Variants in POU6F2 observed in about 807,000 individuals in gnomAD.
The protein encoded by POU6F2 is POU class 6 homeobox 2.
In POU6F2, 31 loss-of-function variants were observed where a neutral mutation model predicts 71.3. The ratio of observed to expected loss-of-function variants is 0.43; its 90% confidence interval spans 0.33 to 0.59. The LOEUF is 0.59. Ranked by LOEUF, POU6F2 falls within the 20% of genes least tolerant of loss-of-function variation. The pLI is 0.04. For synonymous variants in POU6F2, 347 were observed against 355.7 expected (o/e 0.98, Z 0.27); for missense variants, 783 against 856.8 (o/e 0.91, Z 1.07).
intron 5 of POU6F2, among the ~76,000 whole-genome samples, chr7:39,380,354 C>T (rs1454549216): frequency 6.6e-6 from 1 of 152,102 alleles, no homozygotes; most frequent in African/African-American, 2.4e-5. Context: ...GGATTAAGTG[C>T]AGTAATTTGT....
intron 2 of POU6F2, among the ~76,000 whole-genome samples, chr7:39,088,847 A>T (rs1302194207): frequency 1.3e-5 from 2 of 152,176 alleles, no homozygotes; most frequent in East Asian, 3.9e-4. Context: ...CCAGAGGACA[A>T]GTCTGTTTCC....
chr7:39,119,920 C>T (rs1486976333), intron 2 of POU6F2, among the ~76,000 whole-genome samples: 1 of 152,146 alleles, frequency 6.6e-6, no homozygotes, highest in Non-Finnish European at 1.5e-5. Context: ...TTAGAAGGCA[C>T]ATACGATGAA....
In POU6F2 at chr7:39,449,421, A is replaced by G. The variant is rs186945893; in HGVS notation, c.1321-2112A>G. Among the ~76,000 whole-genome samples the G allele has an allele frequency of 3.4e-3, 517 of 152,360 alleles. 8 individuals carry two copies. Among genetic ancestry groups the G allele is most frequent in the South Asian group, 0.011 (52 of 4,830 alleles). On this transcript the variant is annotated intron_variant, in intron 7 of 9. Coordinates refer to ENST00000518318, the MANE Select transcript of POU6F2 (RefSeq NM_001370959.1). ...AATATTAATTTGATAAAAACACTTT[A>G]GGGAATTAAAAAGCATGATGATCCT...
chr7:39,385,925 TAACACAGTGA>T (rs949706856), intron 5 of POU6F2, among the ~76,000 whole-genome samples: 4 of 151,964 alleles, frequency 2.6e-5, no homozygotes, highest in Non-Finnish European at 5.9e-5. Context: ...CCATCCTGGT[TAACACAGTGA>T]AACCTCATCT....
intron 4 of POU6F2, among the ~76,000 whole-genome samples, chr7:39,241,041 A>T (rs1250010682): frequency 2.0e-5 from 3 of 152,140 alleles, no homozygotes; most frequent in Non-Finnish European, 4.4e-5. Flanking sequence ...GTTGCCAAAC[A>T]GCTGCTGCAT....
intron 6 of POU6F2, among the ~76,000 whole-genome samples, chr7:39,411,630 A>G (rs1406744815): frequency 1.3e-5 from 2 of 152,216 alleles, no homozygotes; most frequent in Non-Finnish European, 2.9e-5. Flanking sequence ...ACGCACATAC[A>G]TATGACAGCT....
intron 4 of POU6F2, among the ~76,000 whole-genome samples, chr7:39,290,556 A>G (rs1784733210): frequency 6.6e-6 from 1 of 152,248 alleles, no homozygotes; most frequent in Non-Finnish European, 1.5e-5. Context: ...TACAAAATCA[A>G]TAGATGTTAT....
At chr7:39,001,116 G>A (rs529526424) in intron 1 of POU6F2, among the ~76,000 whole-genome samples, 8 of 152,218 alleles carry the variant, frequency 5.3e-5, no homozygotes, top group African/African-American at 2.4e-5. Flanking sequence ...GACCTATCAG[G>A]TTACTTTTCT....
chr7:39,346,590 A>G (rs2115650698), intron 5 of POU6F2, among the ~76,000 whole-genome samples: 1 of 152,354 alleles, frequency 6.6e-6, no homozygotes, highest in African/African-American at 2.4e-5. Context: ...TGATGAAACT[A>G]ATCCCAAAGT....
At chr7:38,986,771 C>T (rs1249061253) in intron 1 of POU6F2, among the ~76,000 whole-genome samples, 1 of 152,046 alleles carries the variant, frequency 6.6e-6, no homozygotes, top group African/African-American at 2.4e-5. Context: ...CACAAATAAC[C>T]ACTGTTAACT....
At chr7:39,380,747 G>A (rs570816831) in intron 5 of POU6F2, among the ~76,000 whole-genome samples, 1 of 152,156 alleles carries the variant, frequency 6.6e-6, no homozygotes, top group Non-Finnish European at 1.5e-5. Context: ...CTGCCTTTTG[G>A]CTCCTAGAAG....
chr7:39,168,441 A>G (rs559291172), intron 2 of POU6F2, among the ~76,000 whole-genome samples: 13 of 152,312 alleles, frequency 8.5e-5, no homozygotes, highest in African/African-American at 3.1e-4. Flanking sequence ...AACAATCATA[A>G]CCTTTCTACC....
At chr7:39,369,335 C>T (rs928692974) in intron 5 of POU6F2, among the ~76,000 whole-genome samples, 1 of 151,970 alleles carries the variant, frequency 6.6e-6, no homozygotes, top group Non-Finnish European at 1.5e-5. Context: ...ACTGAAGGCT[C>T]AGTGATTGTT....
At chr7:39,397,231 C>T (rs1038969465) in intron 5 of POU6F2, among the ~76,000 whole-genome samples, 7 of 151,800 alleles carry the variant, frequency 4.6e-5, no homozygotes, top group African/African-American at 1.5e-4. Context: ...GGAGCACAGG[C>T]GTTACACAGG....
intron 4 of POU6F2, among the ~76,000 whole-genome samples, chr7:39,226,647 A>C (rs1290245084): frequency 1.3e-5 from 2 of 152,166 alleles, no homozygotes; most frequent in Non-Finnish European, 2.9e-5. Flanking sequence ...CCTCACCAAA[A>C]ACCTAGAACA....
intron 4 of POU6F2, among the ~76,000 whole-genome samples, chr7:39,293,186 C>A (rs1162752840): frequency 6.6e-6 from 1 of 152,152 alleles, no homozygotes; most frequent in Non-Finnish European, 1.5e-5. Flanking sequence ...CTCTCTGCTG[C>A]GGGTCAGCTG....
chr7:39,027,095 A>G (rs1789824954), intron 1 of POU6F2, among the ~76,000 whole-genome samples: 1 of 152,186 alleles, frequency 6.6e-6, no homozygotes, highest in East Asian at 1.9e-4. Context: ...AAAAGACATA[A>G]GCAATTTTTC....
chr7:39,350,818 C>A (rs1786126194), intron 5 of POU6F2, among the ~76,000 whole-genome samples: 1 of 152,232 alleles, frequency 6.6e-6, no homozygotes, highest in African/African-American at 2.4e-5. Flanking sequence ...ACTGTCTCTC[C>A]CTCTTCTTGT....
intron 1 of POU6F2, among the ~76,000 whole-genome samples, chr7:39,007,595 A>T (rs1353133053): frequency 6.6e-6 from 1 of 152,216 alleles, no homozygotes; most frequent in Non-Finnish European, 1.5e-5. Context: ...TTACATATGT[A>T]TACATGTGCC....
Sources: gnomAD v4.1 joint callset for allele counts (sites outside exome capture counted in the v4.1 genomes callset) on GRCh38, gnomAD v4.1.1 for gene constraint, MANE v1.5 for transcripts, NCBI Gene and HGNC (gene_info 2026-07-23, HGNC 2026-07-21) for gene names.